Variants in ATP6V0D1 observed in about 807,000 individuals in gnomAD.
The protein encoded by ATP6V0D1 is V-type proton ATPase subunit d 1.
Under a neutral mutation model 39.0 loss-of-function variants are expected in ATP6V0D1, and 13 were observed. That is an observed-to-expected ratio of 0.33 (90% CI 0.22 to 0.53). The LOEUF is 0.53. Among genes scored for constraint, ATP6V0D1 ranks in the 20% least tolerant of loss-of-function variants. The pLI is 0.94. For synonymous variants in ATP6V0D1, 191 were observed against 191.2 expected (o/e 1.00, Z 0.01); for missense variants, 272 against 470.9 (o/e 0.58, Z 3.91).
intron 2 of ATP6V0D1, among the ~76,000 whole-genome samples, chr16:67,445,299 A>C (rs1293862009): frequency 6.6e-6 from 1 of 152,198 alleles, no homozygotes; most frequent in Non-Finnish European, 1.5e-5. Flanking sequence ...TGTTTTGAGC[A>C]CTAGGGATCT....
chr16:67,445,714 G>A (rs955201041), intron 2 of ATP6V0D1: 16 of 340,870 alleles, frequency 4.7e-5, no homozygotes, highest in Non-Finnish European at 7.7e-5. Flanking sequence ...TGTGGAGCTG[G>A]GGAGGGGTGA....
At chr16:67,454,788 T>C (rs1348184820) in intron 1 of ATP6V0D1, 1 of 152,290 alleles carries the variant, frequency 6.6e-6, no homozygotes, top group African/African-American at 2.4e-5. Context: ...AGAGCCCTCA[T>C]GTGGTGGTCC....
At chr16:67,458,532 T>A (rs1381452657) in intron 1 of ATP6V0D1, among the ~76,000 whole-genome samples, 1 of 152,158 alleles carries the variant, frequency 6.6e-6, no homozygotes, top group Non-Finnish European at 1.5e-5. Context: ...GCAAGCAGTG[T>A]TCTGGCTAGC....
intron 1 of ATP6V0D1, among the ~76,000 whole-genome samples, chr16:67,460,761 CCACCCAT>C (rs2041283039): frequency 6.6e-6 from 1 of 152,138 alleles, no homozygotes; most frequent in Non-Finnish European, 1.5e-5. Context: ...CAGTGCAGGC[CCACCCAT>C]CACCCATCAG....
Position 67,456,554 on chromosome 16 carries a change from G to A in ATP6V0D1, c.131-2839C>T, listed in dbSNP as rs2041239740. The A allele has an allele frequency of 6.6e-6, 1 of 152,244 alleles. No individual in the cohort carries two copies. The highest frequency in any genetic ancestry group is 1.5e-5 in the Non-Finnish European group (1 of 68,048). The allele number at this position is 152,244 out of a possible 1,614,324, so 9.4% of individuals were successfully genotyped here. A position where few individuals can be genotyped will look rare whatever the true frequency, so the allele number is the denominator to read the frequency against. On this transcript the variant is annotated intron_variant, in intron 1 of 7. Transcript: ENST00000290949. This position sits in a 1 kb window ranked among gnomAD's most constrained non-coding sequence, Gnocchi z 4.1. ...GGATGGCAGCTGGGAGCCAAGACTG[G>A]AATACAGTTCTCTGGGTCAGACCCA...
chr16:67,457,601 T>C, intron 1 of ATP6V0D1: 1 of 1,289,586 alleles, frequency 7.8e-7, no homozygotes, highest in Non-Finnish European at 1.0e-6. Flanking sequence ...CACTGGACTG[T>C]CATCACTCAG....
intron 2 of ATP6V0D1, among the ~76,000 whole-genome samples, chr16:67,450,239 A>G (rs530182348): frequency 6.6e-6 from 1 of 152,278 alleles, no homozygotes; most frequent in East Asian, 1.9e-4. Flanking sequence ...TGGGGCACAG[A>G]GCCAGGTGCA....
At chr16:67,461,381 G>A (rs1309191265) in intron 1 of ATP6V0D1, among the ~76,000 whole-genome samples, 1 of 152,176 alleles carries the variant, frequency 6.6e-6, no homozygotes, top group East Asian at 1.9e-4. Flanking sequence ...CAAGATCATA[G>A]AGAGCTCTGA....
chr16:67,461,641 C>A (rs1336466888), intron 1 of ATP6V0D1, among the ~76,000 whole-genome samples: 1 of 152,240 alleles, frequency 6.6e-6, no homozygotes, highest in Non-Finnish European at 1.5e-5. Context: ...AGGGAAAAGA[C>A]AGTAAGTTCT....
chr16:67,461,467 G>C (rs1176160142), intron 1 of ATP6V0D1, among the ~76,000 whole-genome samples: 1 of 152,184 alleles, frequency 6.6e-6, no homozygotes, highest in Non-Finnish European at 1.5e-5. Context: ...GTTGCCCTGA[G>C]GGTCTCAGGA....
At chr16:67,451,270 C>T (rs957699086) in intron 2 of ATP6V0D1, among the ~76,000 whole-genome samples, 3 of 152,126 alleles carry the variant, frequency 2.0e-5, no homozygotes, top group Non-Finnish European at 4.4e-5. Flanking sequence ...CCGGGTGGGA[C>T]CATGAGTCGG....
intron 1 of ATP6V0D1, chr16:67,457,326 A>G: frequency 3.3e-6 from 1 of 300,232 alleles, no homozygotes; most frequent in Non-Finnish European, 6.7e-6. Context: ...GATGTGGAGC[A>G]GGCCTGGGGG....
chr16:67,469,457 C>T (rs1449621894), intron 1 of ATP6V0D1, among the ~76,000 whole-genome samples: 3 of 152,226 alleles, frequency 2.0e-5, no homozygotes, highest in Non-Finnish European at 4.4e-5. Context: ...GTCACCTGCT[C>T]ACAGTGGCTA....
intron 1 of ATP6V0D1, among the ~76,000 whole-genome samples, chr16:67,480,112 T>C (rs1265799387): frequency 9.2e-6 from 1 of 108,986 alleles, no homozygotes; most frequent in Non-Finnish European, 1.6e-5. Flanking sequence ...GGCAGGAGAA[T>C]GGCGTGAACC....
At chr16:67,470,746 C>T (rs752442691) in intron 1 of ATP6V0D1, among the ~76,000 whole-genome samples, 9 of 151,994 alleles carry the variant, frequency 5.9e-5, no homozygotes, top group African/African-American at 9.7e-5. Flanking sequence ...CCCCAATCTG[C>T]ACCCCTAACT....
chr16:67,472,193 G>A (rs548389451), intron 1 of ATP6V0D1, among the ~76,000 whole-genome samples: 7 of 152,110 alleles, frequency 4.6e-5, no homozygotes, highest in Admixed American at 6.6e-5. Flanking sequence ...CAGTTCATCC[G>A]CCACTGAGCA....
chr16:67,461,780 C>A (rs764526414), intron 1 of ATP6V0D1, among the ~76,000 whole-genome samples: 1 of 152,110 alleles, frequency 6.6e-6, no homozygotes, highest in Non-Finnish European at 1.5e-5. Flanking sequence ...CCAGCGGCAC[C>A]GACCATCAGC....
rs2041128818 is a variant in ATP6V0D1, at chr16:67,447,342, G to A, written c.303-2636C>T. 6.6e-6 allele frequency among the ~76,000 whole-genome samples: 1 copy of A among 152,230 alleles called. No homozygotes were observed. Among genetic ancestry groups the A allele is most frequent in the South Asian group, 2.1e-4 (1 of 4,834 alleles). ...GAATCCTCTTTTTCAGGAGATGAGA[G>A]GCTGGACAGGCCTGGCAGAGATAAG... is the stretch of plus-strand genomic sequence containing the variant. On this transcript the variant is annotated intron_variant, in intron 2 of 7. Transcript: ENST00000290949. This position sits in a 1 kb window ranked among gnomAD's most constrained non-coding sequence, Gnocchi z 4.1.
At position 67,438,389 on chromosome 16, in the gene ATP6V0D1, GCTAGGACAGCGTA is replaced by G. The variant is rs1376909535; in HGVS notation, c.*126_*138del. 9.5e-7 allele frequency: 1 copy of G among 1,056,384 alleles called. No homozygotes were observed. The highest frequency in any genetic ancestry group is 1.4e-6 in the Non-Finnish European group (1 of 731,932). The allele number at this position is 1,056,384 out of a possible 1,614,324, so 65.4% of individuals were successfully genotyped here. On this transcript the variant is annotated 3_prime_UTR_variant, in exon 8 of 8. Transcript: ENST00000290949. ...AGAGGGTCAGGAGAACTGGGCAGCCGCTAGGACAGCGTACTACACCCCGGACAGGCAGGTGAGC... is the reference window on the plus strand; with the variant it reads ...AGAGGGTCAGGAGAACTGGGCAGCCGCTACACCCCGGACAGGCAGGTGAGC...
Sources: gnomAD v4.1 joint callset for allele counts (sites outside exome capture counted in the v4.1 genomes callset) on GRCh38, gnomAD v4.1.1 for gene constraint, Gnocchi (gnomAD v3.1) non-coding constraint, MANE v1.5 for transcripts, NCBI Gene and HGNC (gene_info 2026-07-23, HGNC 2026-07-21) for gene names.